Variants in SUMF1 observed in about 807,000 individuals in gnomAD.
SUMF1 encodes the protein sulfatase modifying factor 1, also known as formylglycine-generating enzyme.
In SUMF1, 48 loss-of-function variants were observed where a neutral mutation model predicts 47.6. The ratio of observed to expected loss-of-function variants is 1.01; its 90% CI spans 0.80 to 1.28. SUMF1 has a LOEUF of 1.28. Ranked by LOEUF, SUMF1 falls within the 50% of genes most tolerant of loss-of-function variation. SUMF1 has a pLI of 0.00. For missense variants in SUMF1, 571 were observed against 485.4 expected, an observed-to-expected ratio of 1.18 and a Z score of -1.66; for synonymous variants, 230 against 192.1, an observed-to-expected ratio of 1.20 and a Z score of -1.63.
chr3:4,318,806 G>A (rs1342363035), intron 8 of SUMF1, among the ~76,000 whole-genome samples: 1 of 152,134 alleles, frequency 6.6e-6, no homozygotes. Flanking sequence ...TACTCCTGAG[G>A]CTGAGGCAGG....
intron 8 of SUMF1, among the ~76,000 whole-genome samples, chr3:4,374,139 C>T (rs996483580): frequency 6.6e-6 from 1 of 152,172 alleles, no homozygotes; most frequent in Middle Eastern, 3.2e-3. Context: ...GTATGAAGGT[C>T]TACTCTTACC....
chr3:4,251,983 G>A (rs865898202), intron 8 of SUMF1, among the ~76,000 whole-genome samples: 2 of 152,160 alleles, frequency 1.3e-5, no homozygotes, highest in Non-Finnish European at 2.9e-5. Flanking sequence ...AAATTTTCAT[G>A]TGACTCACTT....
chr3:4,273,438 C>A (rs945291214), intron 8 of SUMF1, among the ~76,000 whole-genome samples: 1 of 151,856 alleles, frequency 6.6e-6, no homozygotes, highest in Non-Finnish European at 1.5e-5. Context: ...TATATGATTC[C>A]ATTTATATGA....
chr3:4,279,342 T>C lies in SUMF1; in HGVS notation c.1014+96988A>G, dbSNP rs574230683. The stretch of plus-strand genomic sequence containing the variant: ...TGTAGAAACAAAACAATCAAGGGCC[T>C]CTAAGAAGTCATATATGGGTTTTTA... On this transcript the variant is annotated intron_variant and NMD_transcript_variant, in intron 8 of 12. Coordinates refer to the SUMF1 transcript ENST00000448413. Among the ~76,000 whole-genome samples, 4 of 152,284 alleles carry C rather than the reference T, an allele frequency of 2.6e-5. No homozygotes were observed. In the East Asian group the frequency reaches 5.8e-4, roughly 22 times the overall value.
At chr3:4,050,544 C>T (rs1381569495) in intron 9 of SUMF1, among the ~76,000 whole-genome samples, 2 of 151,588 alleles carry the variant, frequency 1.3e-5, no homozygotes, top group African/African-American at 2.4e-5. Flanking sequence ...GAGTTCAAGA[C>T]CAGCCTGGGC....
At chr3:4,169,828 T>C (rs1694793524) in intron 8 of SUMF1, among the ~76,000 whole-genome samples, 2 of 152,292 alleles carry the variant, frequency 1.3e-5, no homozygotes, top group Admixed American at 1.3e-4. Context: ...CATTAAGGAC[T>C]AGCTGGAGAG....
chr3:4,432,319 T>C (rs1702258145), intron 3 of SUMF1, among the ~76,000 whole-genome samples: 2 of 151,800 alleles, frequency 1.3e-5, no homozygotes, highest in Admixed American at 1.3e-4. Flanking sequence ...AGCTTCTCTC[T>C]TCCTACCACC....
chr3:4,169,945 G>T (rs1436056089), intron 8 of SUMF1, among the ~76,000 whole-genome samples: 2 of 152,088 alleles, frequency 1.3e-5, no homozygotes, highest in African/African-American at 4.8e-5. Context: ...AATTAAAGAG[G>T]TTCTAAAATG....
chr3:4,461,726 ACT>A (rs1223319810), intron 1 of SUMF1, among the ~76,000 whole-genome samples: 5 of 152,000 alleles, frequency 3.3e-5, no homozygotes, highest in Admixed American at 6.6e-5. Flanking sequence ...AGCCTGGATC[ACT>A]CTGAGTGGAT....
intron 8 of SUMF1, among the ~76,000 whole-genome samples, chr3:4,336,806 ATGTTT>A: frequency 6.6e-6 from 1 of 152,234 alleles, no homozygotes; most frequent in East Asian, 1.9e-4. Context: ...AGTTTCATAC[ATGTTT>A]TTCATTCTTG....
chr3:4,143,709 G>C (rs1190308280), intron 8 of SUMF1, among the ~76,000 whole-genome samples: 2 of 152,082 alleles, frequency 1.3e-5, no homozygotes, highest in Non-Finnish European at 2.9e-5. Context: ...ACTAGGCCCA[G>C]GGAGTTAGGT....
chr3:4,428,277 T>A (rs546263484), intron 3 of SUMF1, among the ~76,000 whole-genome samples: 33 of 152,256 alleles, frequency 2.2e-4, no homozygotes, highest in South Asian at 1.2e-3. Flanking sequence ...CAAGAAAATA[T>A]TAGCAGAACA....
chr3:4,336,717 G>A (rs191830206), intron 8 of SUMF1, among the ~76,000 whole-genome samples: 3 of 152,328 alleles, frequency 2.0e-5, no homozygotes, highest in Admixed American at 2.0e-4. Flanking sequence ...CAGCTCAGCT[G>A]AATGCCCAGG....
chr3:4,219,222 A>G (rs1696009061), intron 8 of SUMF1, among the ~76,000 whole-genome samples: 2 of 152,204 alleles, frequency 1.3e-5, no homozygotes, highest in South Asian at 2.1e-4. Context: ...AAATAAATAC[A>G]AAGTACCTTA....
chr3:4,178,266 G>A (rs76145197), intron 8 of SUMF1, among the ~76,000 whole-genome samples: 30,606 of 152,102 alleles, frequency 0.2, 3,733 homozygotes, highest in East Asian at 0.4. Flanking sequence ...CAATATCCCC[G>A]ATGAACATTG....
intron 8 of SUMF1, among the ~76,000 whole-genome samples, chr3:4,131,465 A>G (rs1238028761): frequency 6.6e-6 from 1 of 152,142 alleles, no homozygotes; most frequent in Non-Finnish European, 1.5e-5. Context: ...CAGCTGCACT[A>G]CTACAGCCCC....
intron 8 of SUMF1, among the ~76,000 whole-genome samples, chr3:4,310,944 C>G (rs1249107108): frequency 6.6e-6 from 1 of 152,132 alleles, no homozygotes; most frequent in Non-Finnish European, 1.5e-5. Context: ...AACACTGAAC[C>G]TTTAAAAAGC....
At chr3:4,322,410 A>C (rs1438488182) in intron 8 of SUMF1, among the ~76,000 whole-genome samples, 4 of 152,084 alleles carry the variant, frequency 2.6e-5, no homozygotes, top group African/African-American at 9.7e-5. Context: ...GAAACTGGCT[A>C]TGGGATATAT....
chr3:4,420,042 G>C (rs1188121739), intron 4 of SUMF1, 22 bp downstream of exon 4: 1 of 1,609,096 alleles, frequency 6.2e-7, no homozygotes, highest in East Asian at 2.2e-5. Flanking sequence ...TTGTCAACTG[G>C]GGAAAGAGGG....
Sources: allele counts gnomAD v4.1 joint callset (sites outside exome capture counted in the v4.1 genomes callset), GRCh38; gene constraint gnomAD v4.1.1; transcripts MANE v1.5; gene names NCBI Gene and HGNC (gene_info 2026-07-23, HGNC 2026-07-21).